Variants in THRAP3 observed in about 807,000 individuals in gnomAD.
The protein encoded by THRAP3 is thyroid hormone receptor associated protein 3, also known as thyroid hormone receptor-associated protein 3.
THRAP3 carries 16 observed loss-of-function variants against 101.0 expected under a neutral mutation model. The ratio of observed to expected loss-of-function variants is 0.16; its 90% confidence interval spans 0.11 to 0.24. THRAP3 has a LOEUF of 0.24. Ranked by LOEUF, THRAP3 falls within the 10% of genes least tolerant of loss-of-function variation. The pLI is 1.00. For missense variants in THRAP3, 989 were observed against 1,202.7 expected (o/e 0.82, Z 2.63); for synonymous variants, 407 against 422.6 (o/e 0.96, Z 0.45).
chr1:36,270,390 GACACACACAC>G (rs766697376), intron 2 of THRAP3, among the ~76,000 whole-genome samples: 1 of 151,392 alleles, frequency 6.6e-6, no homozygotes, highest in Non-Finnish European at 1.5e-5. Context: ...GTGAGACCCT[GACACACACAC>G]ACACGCACAC....
intron 6 of THRAP3, 29 bp from the exon 7 acceptor site, chr1:36,292,569 C>T: frequency 6.4e-7 from 1 of 1,574,332 alleles, no homozygotes; most frequent in Non-Finnish European, 8.7e-7. Context: ...CATGCCTGGC[C>T]CATAATGTGT....
intron 1 of THRAP3, among the ~76,000 whole-genome samples, chr1:36,248,543 G>T (rs555513140): frequency 2.0e-5 from 3 of 151,048 alleles, no homozygotes; most frequent in Non-Finnish European, 4.4e-5. Flanking sequence ...GACCTCCTGG[G>T]CCCAAGCGAT....
At chr1:36,236,838 C>T (rs1645096015) in intron 1 of THRAP3, among the ~76,000 whole-genome samples, 1 of 152,170 alleles carries the variant, frequency 6.6e-6, no homozygotes, top group Non-Finnish European at 1.5e-5. Flanking sequence ...TTTACTGAAC[C>T]TCTTAGCTCT....
At chr1:36,229,931 C>T (rs1004117572) in intron 1 of THRAP3, among the ~76,000 whole-genome samples, 10 of 142,132 alleles carry the variant, frequency 7.0e-5, no homozygotes, top group Non-Finnish European at 1.1e-4. Context: ...GGATTATAGG[C>T]GTGAGCCATC....
chr1:36,208,697 G>A, the THRAP3 span, among the ~76,000 whole-genome samples: 2 of 151,942 alleles, frequency 1.3e-5, no homozygotes, highest in Non-Finnish European at 2.9e-5. Flanking sequence ...ATGGAGTCTC[G>A]CTCTTTTACC....
At chr1:36,221,507 C>A (rs1157989428), upstream of THRAP3, among the ~76,000 whole-genome samples, 1 of 152,182 alleles carries the variant, frequency 6.6e-6, no homozygotes, top group Non-Finnish European at 1.5e-5. Flanking sequence ...CAGCAGCTAT[C>A]ACCCTAGTCA....
chr1:36,224,397 G>T (rs1381181477), upstream of THRAP3: 1 of 152,766 alleles, frequency 6.5e-6, no homozygotes, highest in Non-Finnish European at 1.5e-5. Flanking sequence ...GGTCTACGCC[G>T]TCGCCGTCGT....
intron 1 of THRAP3, among the ~76,000 whole-genome samples, chr1:36,241,521 T>C (rs1460264756): frequency 6.6e-6 from 1 of 151,238 alleles, no homozygotes; most frequent in Non-Finnish European, 1.5e-5. Context: ...CATTGTGATA[T>C]TTAATTAAGA....
chr1:36,277,604 T>C (rs1645677279), intron 2 of THRAP3, among the ~76,000 whole-genome samples: 2 of 152,106 alleles, frequency 1.3e-5, no homozygotes, highest in Admixed American at 1.3e-4. Flanking sequence ...CCTCCCAGGC[T>C]CAAGCAATCC....
At chr1:36,275,976 A>C (rs1422815352) in intron 2 of THRAP3, among the ~76,000 whole-genome samples, 1 of 152,168 alleles carries the variant, frequency 6.6e-6, no homozygotes. Flanking sequence ...TTGAGATTGC[A>C]CTACTGCATT....
intron 2 of THRAP3, among the ~76,000 whole-genome samples, chr1:36,279,043 G>C (rs1382661614): frequency 6.6e-6 from 1 of 152,172 alleles, no homozygotes; most frequent in Non-Finnish European, 1.5e-5. Flanking sequence ...CAGTATTGCA[G>C]CTCTTGAGTG....
intron 4 of THRAP3, chr1:36,287,870 C>T (rs997411084): frequency 2.8e-5 from 28 of 985,358 alleles, no homozygotes; most frequent in South Asian, 4.7e-5. Flanking sequence ...CTGGGGGACA[C>T]GGTGAGTTGG....
At chr1:36,292,511 C>T in intron 6 of THRAP3, 87 bp from the exon 7 acceptor site, 1 of 901,776 alleles carries the variant, frequency 1.1e-6, no homozygotes, top group Non-Finnish European at 1.7e-6. Flanking sequence ...ACCTCGTGAT[C>T]TGCCCACCTC....
At chr1:36,248,969 C>T (rs1645265018) in intron 1 of THRAP3, among the ~76,000 whole-genome samples, 2 of 150,452 alleles carry the variant, frequency 1.3e-5, no homozygotes, top group African/African-American at 4.9e-5. Flanking sequence ...GCGTGATCCT[C>T]AGCTCACTGC....
At position 36,286,746 on chromosome 1, in the gene THRAP3, T is replaced by G. The variant is rs1645800325; in HGVS notation, c.516T>G (p.Ser172=). The G allele has an allele frequency of 6.2e-7, 1 of 1,614,208 alleles. No individual in the cohort carries two copies. Among genetic ancestry groups the G allele is most frequent in the Admixed American group, 1.7e-5 (1 of 60,026 alleles). ...CCAACCATAGCCGAGTTGAATCTTC[T>G]AAGCGCAAGTCTGCAAAGGAGAAAA... ...SSSNHSRVES[S]KRKSAKEKKS... The change falls in exon 4 of 12, where the codon TCT becomes TCG. Residue 172 remains serine (S), a synonymous_variant. Coordinates refer to ENST00000354618, the MANE Select transcript of THRAP3 (RefSeq NM_005119.4). This position sits in a 1 kb window ranked among gnomAD's most constrained non-coding sequence, Gnocchi z 5.5.
chr1:36,282,488 G>T, intron 2 of THRAP3, 45 bp from the exon 3 acceptor site: 1 of 1,422,672 alleles, frequency 7.0e-7, no homozygotes. Context: ...GTTCACATTT[G>T]CAAAGGAACT....
In THRAP3 at chr1:36,301,617, G is replaced by GCAA; in HGVS notation, c.2572_2574dup (p.Asn858dup). 6.2e-7 allele frequency: 1 copy of GCAA among 1,614,142 alleles called. No homozygotes were observed. The highest frequency in any genetic ancestry group is 8.5e-7 in the Non-Finnish European group (1 of 1,180,008). ...TACTCTGGGAACAATAACAACAACAGCAACAACGATTTTCAAAAAAGAAAC... is the reference window on the plus strand; with the variant it reads ...TACTCTGGGAACAATAACAACAACAGCAACAACAACGATTTTCAAAAAAGAAAC... On this transcript the variant is annotated inframe_insertion, in exon 11 of 12. Coordinates refer to ENST00000354618, the MANE Select transcript of THRAP3 (RefSeq NM_005119.4).
intron 2 of THRAP3, among the ~76,000 whole-genome samples, chr1:36,277,045 T>G (rs917831459): frequency 2.0e-5 from 3 of 151,638 alleles, no homozygotes; most frequent in Non-Finnish European, 2.9e-5. Flanking sequence ...CTTGACTCAC[T>G]GCAACCTCCG....
intron 2 of THRAP3, among the ~76,000 whole-genome samples, chr1:36,262,440 G>C (rs940490511): frequency 6.6e-6 from 1 of 152,080 alleles, no homozygotes; most frequent in Non-Finnish European, 1.5e-5. Context: ...TAACACACAC[G>C]TTTTTTTCCT....
Sources: allele counts gnomAD v4.1 joint callset (sites outside exome capture counted in the v4.1 genomes callset), GRCh38; gene constraint gnomAD v4.1.1; non-coding constraint Gnocchi (gnomAD v3.1); transcripts MANE v1.5; gene names NCBI Gene and HGNC (gene_info 2026-07-23, HGNC 2026-07-21).